RASAL2: variants seen among roughly 807,000 people sequenced by gnomAD.
RASAL2 encodes the protein ras GTPase-activating protein nGAP.
In RASAL2, 58 loss-of-function variants were observed where a neutral mutation model predicts 128.9. That is an observed-to-expected ratio of 0.45 (90% CI 0.36 to 0.56). The LOEUF (loss-of-function observed/expected upper bound fraction) is 0.56, where lower values mean the gene tolerates loss of function less well. Ranked by LOEUF, RASAL2 falls within the 20% of genes least tolerant of loss-of-function variation. The probability of loss-of-function intolerance (pLI) is 0.00; values close to 1 mark genes in which losing one functional copy is unlikely to be tolerated. For missense variants in RASAL2, 1,360 were observed against 1,601.6 expected, an observed-to-expected ratio of 0.85 and a Z score of 2.57; for synonymous variants, 561 against 580.8, an observed-to-expected ratio of 0.97 and a Z score of 0.49.
At chr1:178,288,421 G>C (rs571774758) in intron 2 of RASAL2, among the ~76,000 whole-genome samples, 1 of 151,836 alleles carries the variant, frequency 6.6e-6, no homozygotes, top group East Asian at 1.9e-4. Context: ...CTCCATTACT[G>C]TATCTGCCTA....
chr1:178,391,536 T>C (rs78631413), intron 4 of RASAL2, among the ~76,000 whole-genome samples: 3,020 of 152,324 alleles, frequency 0.02, 114 homozygotes, highest in African/African-American at 0.069. Context: ...TAAATTTTCA[T>C]GTAATACCAA....
intron 1 of RASAL2, among the ~76,000 whole-genome samples, chr1:178,262,659 A>G (rs1201178469): frequency 1.3e-5 from 2 of 152,134 alleles, no homozygotes; most frequent in East Asian, 3.8e-4. Context: ...AAGATCAATT[A>G]CTCCTCTCAA....
At chr1:178,383,391 A>G (rs1256973629) in intron 3 of RASAL2, among the ~76,000 whole-genome samples, 1 of 152,188 alleles carries the variant, frequency 6.6e-6, no homozygotes, top group Non-Finnish European at 1.5e-5. Context: ...AAAGTATCCT[A>G]CTGAAAATGG....
At chr1:178,258,212 T>G (rs1399816090) in intron 1 of RASAL2, among the ~76,000 whole-genome samples, 1 of 149,764 alleles carries the variant, frequency 6.7e-6, no homozygotes, top group African/African-American at 2.5e-5. Flanking sequence ...AAGAATCACT[T>G]GAACCCGGGA....
At chr1:178,412,007 C>T (rs1172484078) in intron 4 of RASAL2, 4 of 526,008 alleles carry the variant, frequency 7.6e-6, no homozygotes, top group Non-Finnish European at 6.9e-6. Flanking sequence ...CTGTGGTCAC[C>T]GTCTGTGAAC....
intron 5 of RASAL2, among the ~76,000 whole-genome samples, chr1:178,424,436 C>T (rs1675385275): frequency 6.6e-6 from 1 of 151,638 alleles, no homozygotes; most frequent in Admixed American, 6.6e-5. Flanking sequence ...TGAGATAAAC[C>T]ACAAACCTTA....
At chr1:178,266,939 A>G (rs1259009312) in intron 1 of RASAL2, among the ~76,000 whole-genome samples, 1 of 152,190 alleles carries the variant, frequency 6.6e-6, no homozygotes, top group Non-Finnish European at 1.5e-5. Context: ...AGGAATCGCC[A>G]TGCTGGGCGG....
At chr1:178,341,103 A>G (rs961934483) in intron 3 of RASAL2, among the ~76,000 whole-genome samples, 11 of 152,186 alleles carry the variant, frequency 7.2e-5, no homozygotes, top group African/African-American at 2.4e-4. Context: ...CCTGGTTTTT[A>G]TACTCTGAAG....
At chr1:178,455,388 GT>G (rs1419900767) in intron 12 of RASAL2, among the ~76,000 whole-genome samples, 1 of 152,096 alleles carries the variant, frequency 6.6e-6, no homozygotes, top group Non-Finnish European at 1.5e-5. Context: ...GTGGTGGTAT[GT>G]TAGAATAACT....
chr1:178,117,407 A>G (rs143723572), intron 1 of RASAL2, among the ~76,000 whole-genome samples: 1 of 152,218 alleles, frequency 6.6e-6, no homozygotes, highest in South Asian at 2.1e-4. Flanking sequence ...GTAAAGATGC[A>G]TTTTGAAATA....
chr1:178,351,949 CT>C (rs1228474829), intron 3 of RASAL2, among the ~76,000 whole-genome samples: 1 of 152,144 alleles, frequency 6.6e-6, no homozygotes. Flanking sequence ...GCAAATCTGA[CT>C]GATTTTCAGT....
chr1:178,265,047 T>C (rs937019258), intron 1 of RASAL2, among the ~76,000 whole-genome samples: 1 of 152,226 alleles, frequency 6.6e-6, no homozygotes, highest in African/African-American at 2.4e-5. Flanking sequence ...AGTTCTGTGC[T>C]AGGAACCGGG....
chr1:178,164,671 G>A (rs1446065279), intron 1 of RASAL2, among the ~76,000 whole-genome samples: 1 of 151,970 alleles, frequency 6.6e-6, no homozygotes, highest in Non-Finnish European at 1.5e-5. Context: ...GGGTTACTGA[G>A]CATGGCATTA....
intron 3 of RASAL2, among the ~76,000 whole-genome samples, chr1:178,387,761 A>G (rs1672669546): frequency 6.6e-6 from 1 of 152,110 alleles, no homozygotes; most frequent in African/African-American, 2.4e-5. Context: ...CATTTTCTTA[A>G]TCCAGTCTAT....
intron 4 of RASAL2, among the ~76,000 whole-genome samples, chr1:178,413,022 T>TTTCCTTCC (rs148913731): frequency 6.6e-6 from 1 of 151,962 alleles, no homozygotes. Context: ...TTTCTCTTTC[T>TTTCCTTCC]TTCCTTCCTT....
chr1:178,418,598 C>T (rs911789535), intron 4 of RASAL2, among the ~76,000 whole-genome samples: 5 of 152,166 alleles, frequency 3.3e-5, no homozygotes, highest in Admixed American at 6.5e-5. Flanking sequence ...TAAATAGTTC[C>T]ACTTTGATTT....
chr1:178,286,764 G>A (rs1667050127), intron 2 of RASAL2, among the ~76,000 whole-genome samples: 1 of 152,038 alleles, frequency 6.6e-6, no homozygotes. Flanking sequence ...TATCCCCTGG[G>A]CCATTATTAT....
At chr1:178,178,308 T>A (rs1661961457) in intron 1 of RASAL2, among the ~76,000 whole-genome samples, 1 of 152,110 alleles carries the variant, frequency 6.6e-6, no homozygotes. Flanking sequence ...AACATGATGA[T>A]AATCTGAAAT....
intron 3 of RASAL2, among the ~76,000 whole-genome samples, chr1:178,321,123 A>T (rs1668750411): frequency 6.6e-6 from 1 of 152,110 alleles, no homozygotes; most frequent in Non-Finnish European, 1.5e-5. Context: ...CATCTCTGTC[A>T]CCCAGGCTGG....
Sources: gnomAD v4.1 joint callset for allele counts (sites outside exome capture counted in the v4.1 genomes callset) on GRCh38, gnomAD v4.1.1 for gene constraint, MANE v1.5 for transcripts, NCBI Gene and HGNC (gene_info 2026-07-23, HGNC 2026-07-21) for gene names.